The following NKAIN2 variants were observed in gnomAD, a reference collection of about 807,000 sequenced individuals.
The protein encoded by NKAIN2 is sodium/potassium transporting ATPase interacting 2.
NKAIN2 carries 14 observed loss-of-function variants against 32.6 expected under a neutral mutation model. The ratio of observed to expected loss-of-function variants is 0.43; its 90% CI spans 0.28 to 0.67. The LOEUF is 0.67. Among genes scored for constraint, NKAIN2 ranks in the 30% least tolerant of loss-of-function variants. NKAIN2 has a pLI of 0.17. For synonymous variants in NKAIN2, 80 were observed against 87.2 expected, an observed-to-expected ratio of 0.92 and a Z score of 0.46; for missense variants, 198 against 258.3, an observed-to-expected ratio of 0.77 and a Z score of 1.60.
chr6:124,200,407 G>A (rs1411967627), intron 1 of NKAIN2, among the ~76,000 whole-genome samples: 1 of 152,094 alleles, frequency 6.6e-6, no homozygotes, highest in African/African-American at 2.4e-5. Context: ...GGTCCTTGCT[G>A]TGTTTTGTTC....
intron 2 of NKAIN2, among the ~76,000 whole-genome samples, chr6:124,315,387 AAGGT>A (rs1796906777): frequency 6.6e-6 from 1 of 152,154 alleles, no homozygotes; most frequent in Non-Finnish European, 1.5e-5. Context: ...AATGTCAGAG[AAGGT>A]AGTGAATGCA....
intron 2 of NKAIN2, among the ~76,000 whole-genome samples, chr6:124,346,015 G>T (rs1208372698): frequency 3.3e-5 from 5 of 152,070 alleles, no homozygotes; most frequent in Admixed American, 6.6e-5. Flanking sequence ...ATGTGTCCTA[G>T]AGATTGTGGT....
At chr6:124,485,142 A>T (rs551092358) in intron 3 of NKAIN2, among the ~76,000 whole-genome samples, 1 of 152,156 alleles carries the variant, frequency 6.6e-6, no homozygotes, top group Non-Finnish European at 1.5e-5. Flanking sequence ...TATTTCCTAC[A>T]TCGGTAATCC....
At chr6:124,460,304 A>T (rs1583285893) in intron 3 of NKAIN2, among the ~76,000 whole-genome samples, 1 of 151,760 alleles carries the variant, frequency 6.6e-6, no homozygotes, top group Non-Finnish European at 1.5e-5. Flanking sequence ...ATTTATTTAC[A>T]TTAATCTATA....
intron 3 of NKAIN2, chr6:124,437,916 G>GGTAA: frequency 2.5e-6 from 1 of 392,766 alleles, no homozygotes; most frequent in East Asian, 8.0e-5. Flanking sequence ...ACGGTCTGAT[G>GGTAA]GTAAGTTCTG....
At chr6:124,261,817 G>A (rs1331066379) in intron 1 of NKAIN2, among the ~76,000 whole-genome samples, 4 of 149,364 alleles carry the variant, frequency 2.7e-5, no homozygotes, top group Admixed American at 6.7e-5. Context: ...CCAAGATCAC[G>A]CCACTGCAAC....
At chr6:124,200,824 G>A (rs1257655688) in intron 1 of NKAIN2, among the ~76,000 whole-genome samples, 1 of 152,000 alleles carries the variant, frequency 6.6e-6, no homozygotes, top group Non-Finnish European at 1.5e-5. Flanking sequence ...TTTGCAATAT[G>A]TGCTGCATAT....
At chr6:123,843,875 C>T (rs1388351027) in intron 1 of NKAIN2, among the ~76,000 whole-genome samples, 1 of 151,956 alleles carries the variant, frequency 6.6e-6, no homozygotes, top group African/African-American at 2.4e-5. Context: ...TAGGAACAAC[C>T]CTAAGAAGAA....
chr6:124,723,984 A>C (rs1400451994), intron 4 of NKAIN2, among the ~76,000 whole-genome samples: 4 of 152,204 alleles, frequency 2.6e-5, no homozygotes, highest in Non-Finnish European at 5.9e-5. Flanking sequence ...GATTTGCATC[A>C]CTGCAGCATA....
intron 3 of NKAIN2, among the ~76,000 whole-genome samples, chr6:124,372,618 C>A (rs12192208): frequency 0.38 from 58,099 of 152,018 alleles, 11,877 homozygotes; most frequent in African/African-American, 0.54. Context: ...TTTACCCTGA[C>A]TAAAAACAAG....
rs897099551 is a variant in NKAIN2, at chr6:124,336,669, T to G, written c.193-18598T>G. On this transcript the variant is annotated intron_variant, in intron 2 of 6. Coordinates refer to ENST00000368417, the MANE Select transcript of NKAIN2 (RefSeq NM_001040214.3). The stretch of plus-strand genomic sequence containing the variant: ...AAGTACTTCTAACTGAAATAGTTTG[T>G]TTTTTTTTGTTTGTTTTTTTTTTGA... Among the ~76,000 whole-genome samples the G allele has an allele frequency of 1.9e-3, 266 of 140,676 alleles. 1 individual carries two copies. Among genetic ancestry groups the G allele is most frequent in the Non-Finnish European group, 3.3e-3 (209 of 63,208 alleles). 92.3% of individuals were successfully genotyped at this position (140,676 alleles called of 152,430 possible).
chr6:124,295,933 C>CT (rs148087953), intron 2 of NKAIN2, among the ~76,000 whole-genome samples: 6,786 of 151,988 alleles, frequency 0.045, 526 homozygotes, highest in African/African-American at 0.16. Context: ...CTGGTGATAC[C>CT]TTTTTTCTTG....
chr6:124,082,024 T>A (rs767867630), intron 1 of NKAIN2, among the ~76,000 whole-genome samples: 4 of 151,996 alleles, frequency 2.6e-5, no homozygotes, highest in African/African-American at 7.2e-5. Flanking sequence ...ATAAAGCCAA[T>A]ACAGATAGTG....
intron 1 of NKAIN2, among the ~76,000 whole-genome samples, chr6:124,033,528 C>A (rs1320107185): frequency 2.6e-5 from 4 of 152,008 alleles, no homozygotes; most frequent in Admixed American, 1.3e-4. Flanking sequence ...GCATTCAGAA[C>A]AAAATAATGT....
intron 1 of NKAIN2, among the ~76,000 whole-genome samples, chr6:124,043,327 C>T (rs234477): frequency 0.02 from 3,067 of 152,106 alleles, 53 homozygotes; most frequent in Non-Finnish European, 0.033. Context: ...GAGTGAAACT[C>T]TGTCTCAAGA....
chr6:124,370,739 G>A (rs1000594422), intron 3 of NKAIN2, among the ~76,000 whole-genome samples: 4 of 152,026 alleles, frequency 2.6e-5, no homozygotes, highest in African/African-American at 9.7e-5. Context: ...GAATGAGTTT[G>A]GTGCCCTCAA....
At chr6:124,585,745 T>A (rs899352646) in intron 3 of NKAIN2, among the ~76,000 whole-genome samples, 2 of 152,214 alleles carry the variant, frequency 1.3e-5, no homozygotes, top group African/African-American at 4.8e-5. Flanking sequence ...TACACACTTA[T>A]TAAATTTTTT....
chr6:124,488,144 T>C (rs1777727111), intron 3 of NKAIN2, among the ~76,000 whole-genome samples: 1 of 152,168 alleles, frequency 6.6e-6, no homozygotes, highest in South Asian at 2.1e-4. Context: ...CTACTGTGTA[T>C]GAGTCACAGA....
At chr6:124,501,726 G>C (rs911617345) in intron 3 of NKAIN2, among the ~76,000 whole-genome samples, 1 of 151,896 alleles carries the variant, frequency 6.6e-6, no homozygotes, top group African/African-American at 2.4e-5. Context: ...ACCCACCTTC[G>C]CCTCTCTAGC....
Sources: allele counts gnomAD v4.1 joint callset (sites outside exome capture counted in the v4.1 genomes callset), GRCh38; gene constraint gnomAD v4.1.1; transcripts MANE v1.5; gene names NCBI Gene and HGNC (gene_info 2026-07-23, HGNC 2026-07-21).